Variants in NBEA observed in about 807,000 individuals in gnomAD.
NBEA encodes neurobeachin, also known as lysosomal-trafficking regulator 2.
In NBEA, 44 loss-of-function variants were observed where a neutral mutation model predicts 343.4. That is an observed-to-expected ratio of 0.13 (90% CI 0.10 to 0.16). The LOEUF is 0.16. NBEA is among the 10% of genes least tolerant of loss of function. NBEA has a pLI of 1.00. For missense variants in NBEA, 2,555 were observed against 3,631.3 expected (o/e 0.70, Z 7.62); for synonymous variants, 1,175 against 1,238.7 (o/e 0.95, Z 1.08).
intron 38 of NBEA, among the ~76,000 whole-genome samples, chr13:35,406,168 C>A (rs997893607): frequency 6.6e-6 from 1 of 152,062 alleles, no homozygotes; most frequent in Non-Finnish European, 1.5e-5. Flanking sequence ...CTCTCCAGCC[C>A]TGCCTTCTTG....
chr13:34,956,171 G>A (rs575210698), intron 1 of NBEA, among the ~76,000 whole-genome samples: 54 of 152,260 alleles, frequency 3.5e-4, no homozygotes, highest in African/African-American at 1.3e-3. Context: ...TTAATTTTGA[G>A]TATATTGTAA....
intron 40 of NBEA, among the ~76,000 whole-genome samples, chr13:35,471,454 G>T (rs1234800176): frequency 3.3e-5 from 5 of 152,172 alleles, no homozygotes; most frequent in African/African-American, 9.7e-5. Context: ...ACCTACAAAT[G>T]AATAGTTACA....
intron 1 of NBEA, among the ~76,000 whole-genome samples, chr13:35,000,577 T>C (rs1428187853): frequency 2.0e-5 from 2 of 101,974 alleles, no homozygotes; most frequent in Non-Finnish European, 3.9e-5. Context: ...ATAGATTATA[T>C]ATTTATAATA....
intron 48 of NBEA, among the ~76,000 whole-genome samples, chr13:35,611,522 T>C (rs1414597862): frequency 1.3e-5 from 2 of 152,196 alleles, no homozygotes; most frequent in African/African-American, 4.8e-5. Flanking sequence ...TTAACAGTTA[T>C]ATGACCATCA....
At chr13:35,131,242 T>A (rs2067409129) in intron 17 of NBEA, among the ~76,000 whole-genome samples, 1 of 152,134 alleles carries the variant, frequency 6.6e-6, no homozygotes, top group Non-Finnish European at 1.5e-5. Flanking sequence ...TTTCACCTAA[T>A]ATAATTCATA....
intron 41 of NBEA, among the ~76,000 whole-genome samples, chr13:35,521,701 C>A (rs1323608271): frequency 6.6e-6 from 1 of 152,198 alleles, no homozygotes; most frequent in Non-Finnish European, 1.5e-5. Context: ...AACTAAAGTT[C>A]CACTTTCAAA....
intron 41 of NBEA, among the ~76,000 whole-genome samples, chr13:35,540,987 G>A (rs2078795121): frequency 1.3e-5 from 2 of 152,248 alleles, no homozygotes; most frequent in South Asian, 4.2e-4. Flanking sequence ...TAAAGTGCCA[G>A]TTTCATTGTC....
chr13:35,023,895 G>A (rs1475326376), intron 1 of NBEA, among the ~76,000 whole-genome samples: 1 of 152,054 alleles, frequency 6.6e-6, no homozygotes, highest in African/African-American at 2.4e-5. Context: ...TGTGTCTTTG[G>A]GGGTTGGTGT....
chr13:35,476,195 A>G (rs1314130681), intron 41 of NBEA: 90 of 1,611,124 alleles, frequency 5.6e-5, no homozygotes, highest in Non-Finnish European at 6.8e-6. Context: ...GTGGGATCCA[A>G]TGCGGCTGCT....
intron 11 of NBEA, among the ~76,000 whole-genome samples, chr13:35,099,010 A>C (rs1046673245): frequency 4.1e-5 from 6 of 146,832 alleles, no homozygotes; most frequent in Non-Finnish European, 6.0e-5. Flanking sequence ...TTTCTTTGCT[A>C]TCTTTTCACT....
chr13:35,453,357 G>A (rs1322970607), intron 40 of NBEA, among the ~76,000 whole-genome samples: 13 of 151,820 alleles, frequency 8.6e-5, no homozygotes, highest in South Asian at 4.2e-4. Context: ...CTATTTTTTC[G>A]ATTTAAATGT....
At chr13:35,567,064 T>G in intron 45 of NBEA, 47 bp downstream of exon 45, 12 of 980,344 alleles carry the variant, frequency 1.2e-5, no homozygotes, top group Non-Finnish European at 1.9e-5. Context: ...AAGGCTATAG[T>G]CTAATAGTAT....
At chr13:35,566,571 CTT>C (rs1323043148) in intron 44 of NBEA, among the ~76,000 whole-genome samples, 1 of 152,074 alleles carries the variant, frequency 6.6e-6, no homozygotes, top group Non-Finnish European at 1.5e-5. Context: ...CTTGAAGAGA[CTT>C]TGCTCACATT....
intron 31 of NBEA, among the ~76,000 whole-genome samples, chr13:35,200,017 C>G (rs200998942): frequency 6.2e-4 from 95 of 152,022 alleles, no homozygotes; most frequent in Non-Finnish European, 1.2e-3. Context: ...TGAGCAAACA[C>G]TGTATGTAAA....
intron 34 of NBEA, among the ~76,000 whole-genome samples, chr13:35,284,462 A>T (rs981132488): frequency 6.6e-6 from 1 of 152,184 alleles, no homozygotes; most frequent in African/African-American, 2.4e-5. Flanking sequence ...GAATTTTATT[A>T]TAGTTTTAAG....
At chr13:35,268,496 G>A (rs1490337890) in intron 34 of NBEA, among the ~76,000 whole-genome samples, 1 of 151,912 alleles carries the variant, frequency 6.6e-6, no homozygotes, top group African/African-American at 2.4e-5. Context: ...GATTAATATG[G>A]TAAATTTTAT....
chr13:35,465,347 G>A (rs1843021598), intron 40 of NBEA, among the ~76,000 whole-genome samples: 1 of 152,074 alleles, frequency 6.6e-6, no homozygotes, highest in South Asian at 2.1e-4. Flanking sequence ...ATTAGCTTGT[G>A]CCAAATGGGA....
At chr13:34,966,576 C>T (rs1593304681) in intron 1 of NBEA, among the ~76,000 whole-genome samples, 2 of 148,806 alleles carry the variant, frequency 1.3e-5, no homozygotes, top group Non-Finnish European at 3.0e-5. Context: ...TCTGTCTTTT[C>T]GTGGCTTTGT....
intron 34 of NBEA, among the ~76,000 whole-genome samples, chr13:35,273,426 C>T (rs1271551367): frequency 6.6e-6 from 1 of 152,218 alleles, no homozygotes; most frequent in East Asian, 1.9e-4. Context: ...CTAAAATCGA[C>T]ACCCTAACAT....
Sources: allele counts gnomAD v4.1 joint callset (sites outside exome capture counted in the v4.1 genomes callset), GRCh38; gene constraint gnomAD v4.1.1; transcripts MANE v1.5; gene names NCBI Gene and HGNC (gene_info 2026-07-23, HGNC 2026-07-21).